The following NASP variants were observed in gnomAD, a reference collection of about 807,000 sequenced individuals.
NASP encodes NASP histone chaperone.
In NASP, 24 loss-of-function variants were observed where a neutral mutation model predicts 89.5. The ratio of observed to expected loss-of-function variants is 0.27; its 90% CI spans 0.19 to 0.38. The LOEUF is 0.38. Ranked by LOEUF, NASP falls within the 10% of genes least tolerant of loss-of-function variation. The pLI is 1.00. For missense variants in NASP, 848 were observed against 921.4 expected, an observed-to-expected ratio of 0.92 and a Z score of 1.03; for synonymous variants, 306 against 324.7, an observed-to-expected ratio of 0.94 and a Z score of 0.62.
At chr1:45,592,298 C>T (rs976400509) in intron 2 of NASP, among the ~76,000 whole-genome samples, 9 of 151,648 alleles carry the variant, frequency 5.9e-5, no homozygotes, top group Admixed American at 5.9e-4. Context: ...TTATATTTTT[C>T]GAAGCGGAGT....
chr1:45,586,274 G>A (rs1380220812), intron 1 of NASP, among the ~76,000 whole-genome samples: 2 of 60,002 alleles, frequency 3.3e-5, no homozygotes, highest in African/African-American at 1.4e-4. Flanking sequence ...GTGTGTGTGT[G>A]TGTGTGTGTG....
intron 1 of NASP, among the ~76,000 whole-genome samples, chr1:45,585,028 A>T (rs1209967158): frequency 6.6e-6 from 1 of 152,206 alleles, no homozygotes; most frequent in Non-Finnish European, 1.5e-5. Context: ...TGGAGCTCTC[A>T]CCAGCACTGT....
intron 1 of NASP, among the ~76,000 whole-genome samples, chr1:45,590,564 A>G (rs1232956261): frequency 2.6e-5 from 4 of 151,306 alleles, no homozygotes; most frequent in Admixed American, 6.6e-5. Flanking sequence ...AAAAAAAAAA[A>G]AAAGAAAAGA....
chr1:45,586,889 A>C (rs1430985343), intron 1 of NASP, among the ~76,000 whole-genome samples: 4 of 150,522 alleles, frequency 2.7e-5, no homozygotes, highest in Non-Finnish European at 4.4e-5. Context: ...GGAGATGAGG[A>C]TCTTACTATG....
intron 1 of NASP, among the ~76,000 whole-genome samples, chr1:45,587,687 T>TAAAATTTTATATATATATATAA (rs373204937): frequency 1.3e-5 from 1 of 78,200 alleles, no homozygotes; most frequent in Non-Finnish European, 2.3e-5. Context: ...TATATATATA[T>TAAAATTTTATATATATATATAA]AATTAATTTT....
Position 45,613,268 on chromosome 1 carries a change from G to C in NASP, c.1506+20G>C. ...AACAAGGTATGTTGTTAGCCACTCAGTACTGTTGTCAGCCTTTTTCTGTTT... is the reference window on the plus strand; with the variant it reads ...AACAAGGTATGTTGTTAGCCACTCACTACTGTTGTCAGCCTTTTTCTGTTT... On this transcript the variant is annotated intron_variant, in intron 7 of 14. Coordinates refer to ENST00000350030, the MANE Select transcript of NASP (RefSeq NM_002482.4). 4 of 1,597,058 alleles carry C rather than the reference G, an allele frequency of 2.5e-6. No homozygotes were observed. The highest frequency in any genetic ancestry group is 3.4e-6 in the Non-Finnish European group (4 of 1,173,520).
chr1:45,613,351 A>AT (rs1223255900), intron 7 of NASP, 103 bp downstream of exon 7: 1 of 1,322,666 alleles, frequency 7.6e-7, no homozygotes, highest in Non-Finnish European at 1.0e-6. Flanking sequence ...GGTGATCATG[A>AT]TCATGGCTCA....
At chr1:45,595,760 A>G (rs1206943006) in intron 2 of NASP, among the ~76,000 whole-genome samples, 1 of 152,220 alleles carries the variant, frequency 6.6e-6, no homozygotes, top group Non-Finnish European at 1.5e-5. Flanking sequence ...AATGTCCATG[A>G]TGAAGCGTTA....
chr1:45,607,273 C>A, intron 5 of NASP, 48 bp from the exon 6 acceptor site: 1 of 1,573,244 alleles, frequency 6.4e-7, no homozygotes, highest in Non-Finnish European at 8.7e-7. Flanking sequence ...ATGCCTTTAT[C>A]ATTAAACTCG....
intron 14 of NASP, 109 bp downstream of exon 14, chr1:45,617,700 G>A: frequency 7.9e-7 from 1 of 1,271,632 alleles, no homozygotes; most frequent in Non-Finnish European, 1.1e-6. Context: ...GCTAACGATT[G>A]TTGAGTGCAG....
chr1:45,614,530 G>A (rs1173914699), intron 9 of NASP, among the ~76,000 whole-genome samples, 164 bp downstream of exon 9: 1 of 123,896 alleles, frequency 8.1e-6, no homozygotes, highest in East Asian at 2.3e-4. Flanking sequence ...CAGTCTTCCA[G>A]TAGGTTTGTT....
chr1:45,617,369 G>A (rs376026188), intron 13 of NASP, 94 bp from the exon 14 acceptor site: 1 of 1,429,432 alleles, frequency 7.0e-7, no homozygotes, highest in East Asian at 2.3e-5. Context: ...TGATGTTCAG[G>A]ATCTTTGCAC....
intron 2 of NASP, among the ~76,000 whole-genome samples, chr1:45,591,554 A>G (rs11211144): frequency 0.012 from 1,855 of 151,898 alleles, 31 homozygotes; most frequent in African/African-American, 0.039. Flanking sequence ...GGGTCTTGCT[A>G]TGTTGCCAAG....
intron 5 of NASP, 192 bp downstream of exon 5, chr1:45,606,783 T>A: frequency 8.7e-6 from 4 of 457,180 alleles, no homozygotes; most frequent in Non-Finnish European, 1.5e-5. Context: ...TGAAAGAGAA[T>A]AACTTATTTT....
intron 6 of NASP, chr1:45,609,280 T>G (rs566461628): frequency 2.0e-5 from 3 of 152,346 alleles, no homozygotes; most frequent in Middle Eastern, 3.4e-3. Context: ...GCCAGACTAC[T>G]TCAAGAGTTC....
chr1:45,616,688 C>T lies in NASP; in HGVS notation c.2142C>T (p.His714=). 2 of 1,613,690 alleles carry T rather than the reference C, an allele frequency of 1.2e-6. No homozygotes were observed. Among genetic ancestry groups the T allele is most frequent in the South Asian group, 2.2e-5 (2 of 91,072 alleles). Residue 714 remains histidine, a synonymous_variant, in exon 13 of 15, where the codon CAC becomes CAT. Transcript: ENST00000350030. ...SSSNCVTDIS[H]LVRKKRKPEE... ...CAAATTGTGTGACTGATATTTCCCA[C>T]CTTGTCAGAAAGAAGGTAAGTCTAC...
At chr1:45,604,843 A>T in intron 3 of NASP, 93 bp from the exon 4 acceptor site, 2 of 969,746 alleles carry the variant, frequency 2.1e-6, no homozygotes, top group Non-Finnish European at 3.2e-6. Context: ...GGAGTATGTT[A>T]CTGGAGAAAT....
rs996446932 is a variant in NASP at position 45,584,172 on chromosome 1, CCGCCGT to C, written c.32_37del (p.Val11_Ala12del). 89 of 1,597,022 alleles carry C rather than the reference CCGCCGT, an allele frequency of 5.6e-5. No homozygotes were observed. In the Middle Eastern group the frequency reaches 6.6e-4, roughly 12 times the overall value. On this transcript the variant is annotated inframe_deletion, in exon 1 of 15. Coordinates refer to ENST00000350030, the MANE Select transcript of NASP (RefSeq NM_002482.4). ...ATGGCCATGGAGTCCACAGCCACTGCCGCCGTCGCCGCGGAGCTGGTTTCTGCCGAC... is the reference window on the plus strand; with the variant it reads ...ATGGCCATGGAGTCCACAGCCACTGCCGCCGCGGAGCTGGTTTCTGCCGAC...
chr1:45,606,643 G>A, intron 5 of NASP, 52 bp downstream of exon 5: 1 of 1,275,644 alleles, frequency 7.8e-7, no homozygotes, highest in South Asian at 1.2e-5. Context: ...TATATTTCTT[G>A]TATACAGTGG....
Sources: gnomAD v4.1 joint callset for allele counts (sites outside exome capture counted in the v4.1 genomes callset) on GRCh38, gnomAD v4.1.1 for gene constraint, MANE v1.5 for transcripts, NCBI Gene and HGNC (gene_info 2026-07-23, HGNC 2026-07-21) for gene names.